Variants in RAD51B observed in about 807,000 individuals in gnomAD.
The protein encoded by RAD51B is RAD51 paralog B.
RAD51B carries 38 observed loss-of-function variants against 42.2 expected under a neutral mutation model. That is an observed-to-expected ratio of 0.90 (90% CI 0.70 to 1.18). The LOEUF (loss-of-function observed/expected upper bound fraction) is 1.18, where lower values mean the gene tolerates loss of function less well. Ranked by LOEUF, RAD51B falls within the 50% of genes most tolerant of loss-of-function variation. RAD51B has a pLI of 0.00. For missense variants in RAD51B, 373 were observed against 400.7 expected (o/e 0.93, Z 0.59); for synonymous variants, 154 against 145.2 (o/e 1.06, Z -0.43).
intron 7 of RAD51B, among the ~76,000 whole-genome samples, chr14:68,178,126 A>G (rs1052819953): frequency 3.3e-5 from 5 of 152,132 alleles, no homozygotes; most frequent in African/African-American, 1.2e-4. Flanking sequence ...CAGCAAGTAT[A>G]AACTGAAACC....
At chr14:68,207,278 A>G (rs913043231) in intron 7 of RAD51B, among the ~76,000 whole-genome samples, 14 of 152,236 alleles carry the variant, frequency 9.2e-5, no homozygotes, top group Non-Finnish European at 2.1e-4. Flanking sequence ...GCATATATGC[A>G]TATTTTAGAA....
intron 10 of RAD51B, among the ~76,000 whole-genome samples, chr14:68,623,283 C>T (rs1246369932): frequency 6.6e-6 from 1 of 152,166 alleles, no homozygotes; most frequent in African/African-American, 2.4e-5. Flanking sequence ...ATAAAATGCC[C>T]TGAAACTCTC....
intron 7 of RAD51B, among the ~76,000 whole-genome samples, chr14:68,273,327 C>T (rs2081158209): frequency 6.6e-6 from 1 of 152,176 alleles, no homozygotes. Flanking sequence ...GCCTATTACT[C>T]TCAGGTGAAC....
chr14:68,076,362 T>A (rs1277061399), intron 7 of RAD51B, among the ~76,000 whole-genome samples: 3 of 152,184 alleles, frequency 2.0e-5, no homozygotes, highest in Non-Finnish European at 4.4e-5. Context: ...ATCAAGTTAA[T>A]TTTTCAAGAA....
intron 7 of RAD51B, among the ~76,000 whole-genome samples, chr14:68,005,081 G>A (rs1394753046): frequency 9.5e-6 from 1 of 105,656 alleles, no homozygotes; most frequent in Non-Finnish European, 1.7e-5. Flanking sequence ...TTGAGACAGT[G>A]TCTCTCTCTG....
At chr14:68,352,302 G>T (rs112249238) in intron 8 of RAD51B, among the ~76,000 whole-genome samples, 1 of 152,324 alleles carries the variant, frequency 6.6e-6, no homozygotes, top group African/African-American at 2.4e-5. Flanking sequence ...TCAGTTGTGA[G>T]ACTGGACAAA....
chr14:67,885,755 C>T (rs2140051139), intron 5 of RAD51B, 114 bp from the exon 6 acceptor site: 1 of 1,359,520 alleles, frequency 7.4e-7, no homozygotes, highest in Non-Finnish European at 9.7e-7. Context: ...TTTGCTTATA[C>T]CTGCTCTATT....
intron 10 of RAD51B, among the ~76,000 whole-genome samples, chr14:68,625,842 G>A (rs189014217): frequency 5.9e-5 from 9 of 152,226 alleles, no homozygotes; most frequent in Admixed American, 1.3e-4. Context: ...GGTTTCCAGG[G>A]CTGCCCCGCA....
At chr14:68,507,358 A>T (rs918272948) in intron 10 of RAD51B, among the ~76,000 whole-genome samples, 3 of 152,054 alleles carry the variant, frequency 2.0e-5, no homozygotes, top group African/African-American at 7.2e-5. Context: ...CAGCCCCAGG[A>T]AGTGTTTATG....
At chr14:68,083,897 G>A (rs1183199428) in intron 7 of RAD51B, among the ~76,000 whole-genome samples, 2 of 152,086 alleles carry the variant, frequency 1.3e-5, no homozygotes, top group African/African-American at 4.8e-5. Context: ...TCTACAACTC[G>A]ATAACCAACA....
At chr14:68,051,961 A>C (rs940859972) in intron 7 of RAD51B, among the ~76,000 whole-genome samples, 1 of 152,162 alleles carries the variant, frequency 6.6e-6, no homozygotes, top group Admixed American at 6.5e-5. Flanking sequence ...AAAACTAAGA[A>C]GAAAAGAAGA....
chr14:68,411,588 T>C, intron 9 of RAD51B, 61 bp downstream of exon 9: 1 of 1,484,736 alleles, frequency 6.7e-7, no homozygotes, highest in Non-Finnish European at 9.4e-7. Context: ...TACCAAGCAA[T>C]CTGAGCGTCT....
chr14:68,593,771 G>C (rs1168012470), intron 10 of RAD51B, among the ~76,000 whole-genome samples: 1 of 152,098 alleles, frequency 6.6e-6, no homozygotes, highest in Non-Finnish European at 1.5e-5. Context: ...AAGAAATATT[G>C]GTCTATTCCC....
At chr14:68,584,643 T>C (rs1198262320) in intron 10 of RAD51B, among the ~76,000 whole-genome samples, 4 of 152,186 alleles carry the variant, frequency 2.6e-5, no homozygotes, top group African/African-American at 9.7e-5. Context: ...CCAAATCGCT[T>C]TCGTCCTTCA....
At chr14:68,377,570 G>T (rs1411188960) in intron 8 of RAD51B, among the ~76,000 whole-genome samples, 1 of 152,188 alleles carries the variant, frequency 6.6e-6, no homozygotes, top group African/African-American at 2.4e-5. Flanking sequence ...GTCTGCATCA[G>T]CCACACCCAC....
chr14:68,549,694 G>A (rs1307617038), intron 10 of RAD51B, among the ~76,000 whole-genome samples: 1 of 150,996 alleles, frequency 6.6e-6, no homozygotes, highest in East Asian at 2.0e-4. Context: ...GATTACAGGC[G>A]TGAGCCACCG....
intron 7 of RAD51B, among the ~76,000 whole-genome samples, chr14:68,006,522 T>G (rs2075594626): frequency 6.6e-6 from 1 of 152,128 alleles, no homozygotes; most frequent in Non-Finnish European, 1.5e-5. Flanking sequence ...CAAGTATATA[T>G]GAGGATGTGT....
chr14:68,265,669 T>C (rs1013896965), intron 7 of RAD51B, among the ~76,000 whole-genome samples: 1 of 152,132 alleles, frequency 6.6e-6, no homozygotes, highest in African/African-American at 2.4e-5. Context: ...GGAGAATCAC[T>C]TGAACCCAGG....
intron 7 of RAD51B, among the ~76,000 whole-genome samples, chr14:68,078,101 T>C (rs2140483470): frequency 6.6e-6 from 1 of 152,352 alleles, no homozygotes; most frequent in African/African-American, 2.4e-5. Context: ...TATGCACTAT[T>C]ATAATAATAT....
Sources: gnomAD v4.1 joint callset for allele counts (sites outside exome capture counted in the v4.1 genomes callset) on GRCh38, gnomAD v4.1.1 for gene constraint, MANE v1.5 for transcripts, NCBI Gene and HGNC (gene_info 2026-07-23, HGNC 2026-07-21) for gene names.